GYG2: variants seen among roughly 807,000 people sequenced by gnomAD.
GYG2 encodes the protein glycogenin-2.
Under a neutral mutation model 29.4 loss-of-function variants are expected in GYG2, and 29 were observed. The observed-to-expected ratio is 0.99, with a 90% confidence interval of 0.74 to 1.35. The LOEUF is 1.35. Ranked by LOEUF, GYG2 falls within the 40% of genes most tolerant of loss-of-function variation. The pLI, the probability that GYG2 is intolerant of heterozygous loss-of-function variation, is 0.00. For synonymous variants in GYG2, 167 were observed against 172.3 expected (o/e 0.97, Z 0.24); for missense variants, 370 against 385.7 (o/e 0.96, Z 0.34).
At chrX:2,860,636 A>C (rs1033981299) in intron 7 of GYG2, among the ~76,000 whole-genome samples, 4 of 89,688 alleles carry the variant, frequency 4.5e-5, no homozygotes, top group Non-Finnish European at 8.9e-5. Flanking sequence ...GTAAAAAAAA[A>C]CTTGAGCTTT....
rs774110084 is a variant in GYG2 at position 2,845,073 on chromosome X, T to A, written c.149+1719T>A. Reference sequence around the variant, plus strand: ...TATATATACACGTGTGTATGTATATTTATATACACGTGTGTATGTATATTT... The same window carrying A: ...TATATATACACGTGTGTATGTATATATATATACACGTGTGTATGTATATTT... On this transcript the variant is annotated intron_variant, in intron 3 of 10. Coordinates refer to ENST00000398806, the MANE Select transcript of GYG2 (RefSeq NM_001079855.2). Among the ~76,000 whole-genome samples the A allele has an allele frequency of 2.2e-3, 180 of 81,146 alleles. 23 individuals are homozygous for A. The highest frequency in any genetic ancestry group is 0.01 in the African/African-American group (163 of 16,241). 70.5% of individuals were successfully genotyped at this position (81,146 alleles called of 115,157 possible). A position where few individuals can be genotyped will look rare whatever the true frequency, so the allele number is the denominator to read the frequency against.
At chrX:2,832,540 C>T (rs766285833) in intron 2 of GYG2, among the ~76,000 whole-genome samples, 1 of 111,183 alleles carries the variant, frequency 9.0e-6, no homozygotes, top group South Asian at 3.8e-4. Flanking sequence ...TCCTAATCGC[C>T]TCTTTTTTTT....
chrX:2,841,688 C>T (rs778757941), intron 2 of GYG2, among the ~76,000 whole-genome samples: 3 of 111,620 alleles, frequency 2.7e-5, no homozygotes, highest in East Asian at 2.8e-4. Context: ...ACGTCTGGGA[C>T]GCTTGTGTTT....
chrX:2,843,295 A>G lies in GYG2; in HGVS notation c.90A>G (p.Arg30=). ...TGGTCCTGGGGCAGTCACTGAGGAG[A>G]CACAGGCTGACGAGGAAGCTGGTGG... is the stretch of plus-strand genomic sequence containing the variant. ...GALVLGQSLR[R]HRLTRKLVVL... Residue 30 remains arginine (R), a synonymous_variant, in exon 3 of 11, where the codon AGA becomes AGG. Coordinates refer to ENST00000398806, the MANE Select transcript of GYG2 (RefSeq NM_001079855.2). The G allele has an allele frequency of 8.4e-7, 1 of 1,192,360 alleles. No individual in the cohort carries two copies. Among genetic ancestry groups the G allele is most frequent in the African/African-American group, 1.7e-5 (1 of 57,347 alleles).
chrX:2,881,453 C>G lies in GYG2; in HGVS notation c.*240C>G, dbSNP rs2088719300. 6.2e-6 allele frequency: 2 copies of G among 321,068 alleles called. No homozygotes were observed. Among genetic ancestry groups the G allele is most frequent in the Non-Finnish European group, 5.3e-6 (1 of 187,506 alleles). 26.5% of individuals were successfully genotyped at this position (321,068 alleles called of 1,213,427 possible). A position where few individuals can be genotyped will look rare whatever the true frequency, so the allele number is the denominator to read the frequency against. On this transcript the variant is annotated 3_prime_UTR_variant, in exon 11 of 11. Coordinates refer to ENST00000398806, the MANE Select transcript of GYG2 (RefSeq NM_001079855.2). ...GGCTTTCTTCAGAGGTCACTTCTAC[C>G]CTTGAAGCTGTCGGCAAAAGCGAGC...
chrX:2,846,052 TA>T (rs2087721871), intron 3 of GYG2, among the ~76,000 whole-genome samples: 1 of 20,519 alleles, frequency 4.9e-5, no homozygotes, highest in African/African-American at 1.8e-4. Context: ...TATATATATA[TA>T]TATTTTTTTT....
intron 3 of GYG2, among the ~76,000 whole-genome samples, chrX:2,844,526 A>G (rs116589914): frequency 0.018 from 1,383 of 77,379 alleles, 163 homozygotes; most frequent in Admixed American, 0.03. Flanking sequence ...ACGCACACGC[A>G]TGCGTATATA....
chrX:2,864,323 C>T (rs2088244702), intron 8 of GYG2, among the ~76,000 whole-genome samples: 1 of 110,120 alleles, frequency 9.1e-6, no homozygotes, highest in Non-Finnish European at 1.9e-5. Context: ...TCCGGCAAGG[C>T]GGGACAACTC....
chrX:2,856,411 T>C (rs1000133404), intron 5 of GYG2, 87 bp from the exon 6 acceptor site: 10 of 827,662 alleles, frequency 1.2e-5, no homozygotes, highest in Non-Finnish European at 1.7e-5. Context: ...CAAGTGTTTA[T>C]GTTGAGAGCT....
At chrX:2,860,619 C>T (rs1177849081) in intron 7 of GYG2, among the ~76,000 whole-genome samples, 1 of 97,072 alleles carries the variant, frequency 1.0e-5, no homozygotes, top group Non-Finnish European at 2.0e-5. Context: ...TGGCTTTTTT[C>T]ACTAAAGTAA....
At chrX:2,843,025 C>T (rs996520158) in intron 2 of GYG2, 188 bp from the exon 3 acceptor site, 14 of 499,188 alleles carry the variant, frequency 2.8e-5, no homozygotes, top group African/African-American at 2.6e-4. Context: ...GGTGCCCAGG[C>T]TGGTCTCGAA....
chrX:2,864,146 G>A (rs757713765), intron 8 of GYG2, among the ~76,000 whole-genome samples: 7 of 111,924 alleles, frequency 6.3e-5, no homozygotes, highest in East Asian at 2.8e-4. Context: ...CGAATGCTTC[G>A]AAAACATAAA....
chrX:2,844,153 T>C (rs1467907314), intron 3 of GYG2, among the ~76,000 whole-genome samples: 1 of 112,286 alleles, frequency 8.9e-6, no homozygotes, highest in Non-Finnish European at 1.9e-5. Context: ...GCATTTAATA[T>C]GGTAGATGTA....
intron 10 of GYG2, among the ~76,000 whole-genome samples, chrX:2,878,838 T>C (rs1049804259): frequency 3.6e-5 from 4 of 112,317 alleles, no homozygotes. Context: ...TGTTGTTTTC[T>C]TGGATACTCA....
At chrX:2,833,455 C>T (rs1178965427) in intron 2 of GYG2, among the ~76,000 whole-genome samples, 1 of 111,312 alleles carries the variant, frequency 9.0e-6, no homozygotes, top group Non-Finnish European at 1.9e-5. Context: ...CATGTTTTCC[C>T]TGAGGTCCCC....
chrX:2,855,179 T>A, intron 5 of GYG2, 24 bp downstream of exon 5: 1 of 1,183,664 alleles, frequency 8.4e-7, no homozygotes, highest in Non-Finnish European at 1.1e-6. Flanking sequence ...GCCCGGACGC[T>A]TAGGGTCTCT....
intron 8 of GYG2, among the ~76,000 whole-genome samples, chrX:2,868,869 G>C (rs770129369): frequency 2.6e-4 from 29 of 111,362 alleles, no homozygotes; most frequent in Non-Finnish European, 4.1e-4. Context: ...TTAACAAAAG[G>C]TATGTTGATT....
At chrX:2,853,903 C>A in intron 3 of GYG2, 77 bp from the exon 4 acceptor site, 1 of 696,301 alleles carries the variant, frequency 1.4e-6, no homozygotes, top group Non-Finnish European at 2.3e-6. Context: ...AGCAAAACAG[C>A]ACCCTCTTGA....
chrX:2,866,508 G>A (rs2088299749), intron 8 of GYG2, among the ~76,000 whole-genome samples: 1 of 111,071 alleles, frequency 9.0e-6, no homozygotes. Flanking sequence ...AGAAGAGAGT[G>A]TACTAGAGAC....
Sources: allele counts gnomAD v4.1 joint callset (sites outside exome capture counted in the v4.1 genomes callset), GRCh38; gene constraint gnomAD v4.1.1; transcripts MANE v1.5; gene names NCBI Gene and HGNC (gene_info 2026-07-23, HGNC 2026-07-21).